Variants in STPG2 observed in about 807,000 individuals in gnomAD.
STPG2 encodes sperm-tail PG-rich repeat-containing protein 2.
In STPG2, 56 loss-of-function variants were observed where a neutral mutation model predicts 54.2. The ratio of observed to expected loss-of-function variants is 1.03; its 90% CI spans 0.83 to 1.29. STPG2 has a LOEUF of 1.29. Among genes scored for constraint, STPG2 ranks in the 50% most tolerant of loss-of-function variants. The probability of loss-of-function intolerance (pLI) is 0.00; values close to 1 mark genes in which losing one functional copy is unlikely to be tolerated. For synonymous variants in STPG2, 200 were observed against 181.8 expected, an observed-to-expected ratio of 1.10 and a Z score of -0.81; for missense variants, 596 against 544.9, an observed-to-expected ratio of 1.09 and a Z score of -0.93.
In STPG2 at chr4:97,503,978, ATATT is replaced by A. The variant is rs1036148465; in HGVS notation, c.462+208717_462+208720del. On this transcript the variant is annotated intron_variant, in intron 4 of 4. Coordinates refer to the STPG2 transcript ENST00000522676. ...ATTCATATAAATATATTTTAAAAATATATTTAAATATTTTAAAAATATATTTTCA... is the reference window on the plus strand; with the variant it reads ...ATTCATATAAATATATTTTAAAAATATAAATATTTTAAAAATATATTTTCA... 2.9e-3 allele frequency among the ~76,000 whole-genome samples: 400 copies of A among 139,304 alleles called. 4 individuals carry two copies. Among genetic ancestry groups the A allele is most frequent in the African/African-American group, 9.9e-3 (377 of 37,924 alleles). The allele number at this position is 139,304 out of a possible 152,430, so 91.4% of individuals were successfully genotyped here.
At chr4:98,132,118 G>A (rs1578186104) in intron 2 of STPG2, among the ~76,000 whole-genome samples, 1 of 151,904 alleles carries the variant, frequency 6.6e-6, no homozygotes, top group Non-Finnish European at 1.5e-5. Context: ...TTGCCACCAG[G>A]AAGGAAATAT....
intron 5 of STPG2, among the ~76,000 whole-genome samples, chr4:98,009,015 G>C (rs1735658394): frequency 6.6e-6 from 1 of 151,612 alleles, no homozygotes; most frequent in African/African-American, 2.4e-5. Context: ...AATTTTATTT[G>C]AGTACATTCT....
chr4:97,793,398 CACACAG>C (rs1489745055), intron 9 of STPG2, among the ~76,000 whole-genome samples: 30 of 145,282 alleles, frequency 2.1e-4, no homozygotes, highest in African/African-American at 6.9e-4. Flanking sequence ...CACACACACA[CACACAG>C]AGAAATAGCA....
chr4:97,937,504 T>C (rs1732792136), intron 8 of STPG2, among the ~76,000 whole-genome samples: 1 of 152,216 alleles, frequency 6.6e-6, no homozygotes, highest in African/African-American at 2.4e-5. Context: ...TTCTTTCTCA[T>C]CTTCGTGAGT....
At chr4:97,741,052 A>G (rs1324936007) in intron 9 of STPG2, among the ~76,000 whole-genome samples, 1 of 152,152 alleles carries the variant, frequency 6.6e-6, no homozygotes, top group Non-Finnish European at 1.5e-5. Flanking sequence ...CCTCAGAAAA[A>G]ACACCGCATA....
chr4:97,607,965 T>C (rs554435698), intron 10 of STPG2, among the ~76,000 whole-genome samples: 7 of 152,148 alleles, frequency 4.6e-5, no homozygotes, highest in African/African-American at 1.7e-4. Context: ...AATTATTCAA[T>C]ACACGTGGGA....
chr4:98,018,936 A>G (rs1158946733), intron 5 of STPG2, among the ~76,000 whole-genome samples: 1 of 151,728 alleles, frequency 6.6e-6, no homozygotes, highest in Non-Finnish European at 1.5e-5. Flanking sequence ...TCAGATGAGT[A>G]GGTTGCGAAA....
rs541813257 is a variant in STPG2 at position 98,080,092 on chromosome 4, T to C, written c.612+25861A>G. On this transcript the variant is annotated intron_variant, in intron 5 of 10. Coordinates refer to ENST00000295268, the MANE Select transcript of STPG2 (RefSeq NM_174952.3). ...TGTTAAAATAGGTCCTTAGAAAAAT[T>C]AGTATGTATAAAAAGTAAATATATA... Among the ~76,000 whole-genome samples, 14 of 152,138 alleles carry C rather than the reference T, an allele frequency of 9.2e-5. No homozygotes were observed. The South Asian group carries it at 1.9e-3, about 20-fold the overall frequency.
chr4:97,990,751 T>C (rs1044295048), intron 5 of STPG2, among the ~76,000 whole-genome samples: 2 of 152,186 alleles, frequency 1.3e-5, no homozygotes, highest in Non-Finnish European at 2.9e-5. Flanking sequence ...AGGTTATTTA[T>C]GGCATCTTTT....
At chr4:97,947,575 G>C (rs1335397933) in intron 7 of STPG2, among the ~76,000 whole-genome samples, 1 of 151,964 alleles carries the variant, frequency 6.6e-6, no homozygotes, top group African/African-American at 2.4e-5. Context: ...TTTGAACTAA[G>C]TCCCTTTTAT....
At chr4:97,943,100 G>A (rs1398654236) in intron 8 of STPG2, among the ~76,000 whole-genome samples, 1 of 152,072 alleles carries the variant, frequency 6.6e-6, no homozygotes, top group Non-Finnish European at 1.5e-5. Context: ...CTCATAGACA[G>A]TATCTTCTCT....
At chr4:97,473,502 C>T (rs1488506987) in intron 4 of STPG2, among the ~76,000 whole-genome samples, 1 of 152,080 alleles carries the variant, frequency 6.6e-6, no homozygotes, top group South Asian at 2.1e-4. Flanking sequence ...TTGGTCAGAC[C>T]GGTTGCTCTC....
At chr4:97,888,499 C>T (rs779295671) in intron 8 of STPG2, among the ~76,000 whole-genome samples, 28 of 152,154 alleles carry the variant, frequency 1.8e-4, no homozygotes, top group Non-Finnish European at 3.4e-4. Context: ...TTGTACAGGG[C>T]CTGTAGCACC....
chr4:97,739,377 A>C (rs1360457442), intron 9 of STPG2, among the ~76,000 whole-genome samples: 12 of 152,180 alleles, frequency 7.9e-5, no homozygotes, highest in Non-Finnish European at 1.8e-4. Context: ...GCAGAACTGA[A>C]GGAAATAGAG....
intron 10 of STPG2, among the ~76,000 whole-genome samples, chr4:97,695,272 A>G (rs1173994118): frequency 1.3e-5 from 2 of 152,172 alleles, no homozygotes; most frequent in Non-Finnish European, 1.5e-5. Context: ...GATACAGAAA[A>G]TCATTTGACA....
intron 8 of STPG2, among the ~76,000 whole-genome samples, chr4:97,918,040 T>C (rs1384387588): frequency 6.6e-6 from 1 of 151,662 alleles, no homozygotes; most frequent in Non-Finnish European, 1.5e-5. Context: ...ACAATCTTTC[T>C]AAAATTAAGG....
At chr4:97,817,417 G>C (rs1456204) in intron 9 of STPG2, among the ~76,000 whole-genome samples, 19,417 of 151,884 alleles carry the variant, frequency 0.13, 1,910 homozygotes, top group African/African-American at 0.26. Context: ...CGATAAAATT[G>C]TAAGAATTAG....
chr4:97,496,214 A>G (rs2148830298), intron 4 of STPG2, among the ~76,000 whole-genome samples: 1 of 151,860 alleles, frequency 6.6e-6, no homozygotes, highest in East Asian at 1.9e-4. Flanking sequence ...CAATAAGAAT[A>G]TACCGTAAAG....
Position 97,972,390 on chromosome 4 carries a change from T to C in STPG2, c.823A>G (p.Asn275Asp), listed in dbSNP as rs1734361803. The change falls in exon 7 of 11, where the codon AAT becomes GAT. Residue 275 changes from asparagine to aspartate, a missense_variant. By Grantham distance (23) the Asn-to-Asp change is conservative. Coordinates refer to ENST00000295268, the MANE Select transcript of STPG2 (RefSeq NM_174952.3). ...LNNTIIASVRNICSKKQKKSA... is the reference protein window; with the variant it reads ...LNNTIIASVRDICSKKQKKSA... ...TTCTTCTGTTTCTTTGAGCAGATAT[T>C]TCTAACACTGGCAATTATAGTATTG... 1 of 1,605,914 alleles carries C rather than the reference T, an allele frequency of 6.2e-7. No individual in the cohort carries two copies. The highest frequency in any genetic ancestry group is 8.5e-7 in the Non-Finnish European group (1 of 1,174,828).
Sources: allele counts gnomAD v4.1 joint callset (sites outside exome capture counted in the v4.1 genomes callset), GRCh38; gene constraint gnomAD v4.1.1; transcripts MANE v1.5; gene names NCBI Gene and HGNC (gene_info 2026-07-23, HGNC 2026-07-21).